Variants in SATB2 observed in about 807,000 individuals in gnomAD.
The protein encoded by SATB2 is DNA-binding protein SATB2.
In SATB2, 1 loss-of-function variant was observed where a neutral mutation model predicts 73.4. That is an observed-to-expected ratio of 0.01 (90% CI 0.00 to 0.06). The LOEUF is 0.06. Among genes scored for constraint, SATB2 ranks in the 10% least tolerant of loss-of-function variants. SATB2 has a pLI of 1.00. For missense variants in SATB2, 459 were observed against 945.8 expected, an observed-to-expected ratio of 0.49 and a Z score of 6.75; for synonymous variants, 397 against 367.0, an observed-to-expected ratio of 1.08 and a Z score of -0.93.
Position 199,455,717 on chromosome 2 carries a change from G to A in SATB2, c.169+152C>T. The A allele has an allele frequency of 1.2e-6, 1 of 839,506 alleles. No individual in the cohort carries two copies. Among genetic ancestry groups the A allele is most frequent in the Admixed American group, 2.3e-5 (1 of 42,868 alleles). 52.0% of individuals were successfully genotyped at this position (839,506 alleles called of 1,614,324 possible). On this transcript the variant is annotated intron_variant, in intron 2 of 10. Coordinates refer to ENST00000417098, the MANE Select transcript of SATB2 (RefSeq NM_001172509.2). The surrounding 1 kb of genome is among the most constrained non-coding windows in gnomAD (Gnocchi z 4.1). ...TTAACTGGAGATGAAGCTACCAGTT[G>A]CAGATGAGAGGCGACGGGGGCATTA...
chr2:199,329,548 C>T (rs2121378), intron 7 of SATB2, among the ~76,000 whole-genome samples: 119,043 of 151,840 alleles, frequency 0.78, 48,005 homozygotes, highest in South Asian at 0.91. Flanking sequence ...CCAAATCTTT[C>T]ATGAGACGTC....
At chr2:199,389,629 G>C (rs1690064914) in intron 3 of SATB2, among the ~76,000 whole-genome samples, 1 of 152,132 alleles carries the variant, frequency 6.6e-6, no homozygotes. Flanking sequence ...ACAATGCACT[G>C]TTTCCCATCC....
chr2:199,401,330 G>A (rs556853112), intron 3 of SATB2, among the ~76,000 whole-genome samples: 9 of 152,060 alleles, frequency 5.9e-5, no homozygotes, highest in Non-Finnish European at 1.2e-4. Context: ...GGCGGACTAC[G>A]AGGTCAGGAA....
chr2:199,283,408 C>T (rs1692590381), intron 10 of SATB2, among the ~76,000 whole-genome samples: 1 of 151,626 alleles, frequency 6.6e-6, no homozygotes, highest in Admixed American at 6.6e-5. Context: ...ACTTTTTGAC[C>T]TTGCTGAAAT....
intron 3 of SATB2, among the ~76,000 whole-genome samples, chr2:199,412,208 C>T (rs1690841583): frequency 6.6e-6 from 1 of 152,156 alleles, no homozygotes; most frequent in African/African-American, 2.4e-5. Flanking sequence ...GTGATGCATA[C>T]TTGGAAAATA....
chr2:199,337,800 C>T (rs1162612624), intron 7 of SATB2, among the ~76,000 whole-genome samples: 1 of 152,138 alleles, frequency 6.6e-6, no homozygotes, highest in East Asian at 1.9e-4. Context: ...GCATTTCTGG[C>T]CTTTAAACTT....
Position 199,328,730 on chromosome 2 carries a change from A to C in SATB2, c.1354T>G (p.Ser452Ala). The part of the protein sequence containing the change: ...NPNVSMVSSA[S>A]SSPSSSRTPQ... ...GTTCGGGAGGAGCTGGGACTGCTGG[A>C]GGCCGAGGAGACCATGCTCACATTG... Residue 452 changes from serine (S) to alanine (A), a missense_variant, in exon 8 of 11, where the codon TCC (serine) becomes GCC (alanine). Coordinates refer to ENST00000417098, the MANE Select transcript of SATB2 (RefSeq NM_001172509.2). 6.2e-7 allele frequency: 1 copy of C among 1,613,448 alleles called. No individual in the cohort carries two copies. The highest frequency in any genetic ancestry group is 8.5e-7 in the Non-Finnish European group (1 of 1,179,902).
intron 7 of SATB2, chr2:199,348,430 C>T (rs1384922327): frequency 4.4e-6 from 2 of 454,320 alleles, no homozygotes; most frequent in Non-Finnish European, 7.9e-6. Flanking sequence ...TGAGAGAGTA[C>T]ATACCCAAGT....
At chr2:199,331,809 C>A (rs910872798) in intron 7 of SATB2, among the ~76,000 whole-genome samples, 1 of 152,116 alleles carries the variant, frequency 6.6e-6, no homozygotes, top group African/African-American at 2.4e-5. Flanking sequence ...TCACATACCA[C>A]AAATCACCCC....
At chr2:199,278,944 C>T (rs1007719723) in intron 10 of SATB2, among the ~76,000 whole-genome samples, 11 of 152,130 alleles carry the variant, frequency 7.2e-5, no homozygotes, top group African/African-American at 1.4e-4. Flanking sequence ...GGAGTATCTA[C>T]AATAATTGGA....
At chr2:199,347,804 C>T (rs184508564) in intron 7 of SATB2, 5 of 152,258 alleles carry the variant, frequency 3.3e-5, no homozygotes, top group East Asian at 3.9e-4. Flanking sequence ...GTTAGCTCCC[C>T]GAGATTATGC....
At chr2:199,405,376 C>T (rs535517564) in intron 3 of SATB2, among the ~76,000 whole-genome samples, 7 of 152,184 alleles carry the variant, frequency 4.6e-5, no homozygotes, top group Non-Finnish European at 1.0e-4. Flanking sequence ...CCATAAAGAA[C>T]TTGAGAAAAA....
intron 7 of SATB2, chr2:199,348,017 T>G (rs1688705695): frequency 6.6e-6 from 1 of 152,202 alleles, no homozygotes; most frequent in Non-Finnish European, 1.5e-5. Flanking sequence ...TGATGCACAC[T>G]CCAGTTTAAG....
intron 3 of SATB2, among the ~76,000 whole-genome samples, chr2:199,387,757 G>A (rs1319621342): frequency 1.3e-5 from 2 of 152,136 alleles, no homozygotes; most frequent in African/African-American, 4.8e-5. Flanking sequence ...TGTGTAATGT[G>A]TACAGACCAA....
intron 10 of SATB2, among the ~76,000 whole-genome samples, chr2:199,275,859 C>T (rs1043710449): frequency 2.0e-5 from 3 of 152,116 alleles, no homozygotes; most frequent in Non-Finnish European, 2.9e-5. Flanking sequence ...AACTGTCTTA[C>T]AAGTTAGCAA....
chr2:199,300,725 C>T (rs1574485408), intron 10 of SATB2, among the ~76,000 whole-genome samples: 3 of 152,006 alleles, frequency 2.0e-5, no homozygotes, highest in East Asian at 3.9e-4. Context: ...AATTTCATTG[C>T]CCTTCAAAAA....
chr2:199,368,729 A>AT, intron 5 of SATB2, 22 bp from the exon 6 acceptor site: 1 of 1,416,008 alleles, frequency 7.1e-7, no homozygotes, highest in South Asian at 1.2e-5. Context: ...AATTATAGTT[A>AT]TTTTTTCAAA....
intron 10 of SATB2, among the ~76,000 whole-genome samples, chr2:199,273,402 G>C (rs964489743): frequency 1.3e-5 from 2 of 152,136 alleles, no homozygotes; most frequent in African/African-American, 4.8e-5. Context: ...CTCTGGCTTA[G>C]AGCAAACATC....
intron 2 of SATB2, among the ~76,000 whole-genome samples, chr2:199,450,208 A>C (rs1406721695): frequency 1.3e-5 from 2 of 152,164 alleles, no homozygotes; most frequent in African/African-American, 4.8e-5. Flanking sequence ...AATATGAAAC[A>C]GTATTATATC....
Sources: allele counts gnomAD v4.1 joint callset (sites outside exome capture counted in the v4.1 genomes callset), GRCh38; gene constraint gnomAD v4.1.1; non-coding constraint Gnocchi (gnomAD v3.1); transcripts MANE v1.5; gene names NCBI Gene and HGNC (gene_info 2026-07-23, HGNC 2026-07-21).